Variants in RUNDC3B observed in about 807,000 individuals in gnomAD.
RUNDC3B encodes RUN domain-containing protein 3B.
In RUNDC3B, 33 loss-of-function variants were observed where a neutral mutation model predicts 58.4. The observed-to-expected ratio is 0.56, with a 90% CI of 0.43 to 0.75. The LOEUF is 0.75. RUNDC3B is among the 30% of genes least tolerant of loss of function. The probability of loss-of-function intolerance (pLI) is 0.00; values close to 1 mark genes in which losing one functional copy is unlikely to be tolerated. For synonymous variants in RUNDC3B, 193 were observed against 195.2 expected (o/e 0.99, Z 0.10); for missense variants, 501 against 535.7 (o/e 0.94, Z 0.64).
At chr7:87,645,819 A>T (rs566224463) in intron 1 of RUNDC3B, among the ~76,000 whole-genome samples, 1 of 152,260 alleles carries the variant, frequency 6.6e-6, no homozygotes, top group East Asian at 1.9e-4. Flanking sequence ...GTGAGTATTG[A>T]GTGGGAAGAA....
chr7:87,633,359 A>C (rs925085713), intron 1 of RUNDC3B, among the ~76,000 whole-genome samples: 1 of 152,228 alleles, frequency 6.6e-6, no homozygotes. Flanking sequence ...AAGACTATAC[A>C]TAGAATAATG....
At chr7:87,726,225 G>C (rs555705634) in intron 4 of RUNDC3B, among the ~76,000 whole-genome samples, 16 of 152,272 alleles carry the variant, frequency 1.1e-4, no homozygotes, top group Admixed American at 3.3e-4. Context: ...GTGGTTTTAG[G>C]TCTAACATTT....
chr7:87,802,700 C>A (rs1165712794), intron 8 of RUNDC3B, among the ~76,000 whole-genome samples: 1 of 152,066 alleles, frequency 6.6e-6, no homozygotes, highest in Non-Finnish European at 1.5e-5. Flanking sequence ...TATGTACCCA[C>A]AAAAATTAAA....
chr7:87,773,738 C>A (rs1158660590), intron 7 of RUNDC3B, among the ~76,000 whole-genome samples: 1 of 151,734 alleles, frequency 6.6e-6, no homozygotes, highest in Non-Finnish European at 1.5e-5. Flanking sequence ...AGTGCAGTGG[C>A]GCGATCTTGG....
chr7:87,686,951 G>GAA (rs1202632144), intron 2 of RUNDC3B, among the ~76,000 whole-genome samples: 3 of 69,232 alleles, frequency 4.3e-5, no homozygotes, highest in African/African-American at 1.0e-4. Context: ...ATCTCCAAAA[G>GAA]AAAAAAAAAA....
rs541892728 is a variant in RUNDC3B at position 87,658,567 on chromosome 7, A to G, written c.238+7630A>G. On this transcript the variant is annotated intron_variant, in intron 2 of 10. Coordinates refer to ENST00000394654, the MANE Select transcript of RUNDC3B (RefSeq NM_001134405.2). Reference sequence around the variant, plus strand: ...AACCACAAATAGGAAAAATTCAAATAAATTCATGCCAAAGGCACGATAATT... The same window carrying G: ...AACCACAAATAGGAAAAATTCAAATGAATTCATGCCAAAGGCACGATAATT... 1.1e-4 allele frequency among the ~76,000 whole-genome samples: 16 copies of G among 152,338 alleles called. 1 individual carries two copies. In the South Asian group the frequency reaches 3.3e-3, roughly 32 times the overall value.
At chr7:87,641,280 G>A (rs974245143) in intron 1 of RUNDC3B, among the ~76,000 whole-genome samples, 4 of 152,112 alleles carry the variant, frequency 2.6e-5, no homozygotes, top group Admixed American at 6.6e-5. Flanking sequence ...GAAAGATATC[G>A]CCAACAGTTT....
chr7:87,645,742 G>A (rs1200211740), intron 1 of RUNDC3B, among the ~76,000 whole-genome samples: 2 of 152,124 alleles, frequency 1.3e-5, no homozygotes, highest in East Asian at 3.8e-4. Flanking sequence ...CTTAGTTACT[G>A]TGTTATGAAG....
intron 8 of RUNDC3B, 79 bp from the exon 9 acceptor site, chr7:87,807,294 G>T: frequency 1.1e-5 from 15 of 1,362,308 alleles, no homozygotes; most frequent in Non-Finnish European, 1.5e-5. Flanking sequence ...AATTTTGGGG[G>T]CCTAAATTGA....
At chr7:87,741,278 T>C (rs2130812506) in intron 5 of RUNDC3B, among the ~76,000 whole-genome samples, 1 of 151,832 alleles carries the variant, frequency 6.6e-6, no homozygotes, top group African/African-American at 2.4e-5. Flanking sequence ...ATGTAACCCA[T>C]TGATAGTGTA....
chr7:87,827,822 C>T (rs1273297228), intron 10 of RUNDC3B, among the ~76,000 whole-genome samples: 2 of 152,054 alleles, frequency 1.3e-5, no homozygotes, highest in South Asian at 2.1e-4. Context: ...ATAACTTCTT[C>T]TTAAGTACAG....
intron 2 of RUNDC3B, among the ~76,000 whole-genome samples, chr7:87,660,800 G>A (rs1824625759): frequency 6.6e-6 from 1 of 151,652 alleles, no homozygotes; most frequent in African/African-American, 2.4e-5. Context: ...ATTTCTACTT[G>A]TTCTGATCAT....
At chr7:87,763,127 G>A (rs1469585975) in intron 6 of RUNDC3B, among the ~76,000 whole-genome samples, 1 of 151,364 alleles carries the variant, frequency 6.6e-6, no homozygotes, top group Non-Finnish European at 1.5e-5. Context: ...ATTTTAATAT[G>A]CAGATTTAAA....
chr7:87,799,487 T>C (rs987025712), intron 8 of RUNDC3B, among the ~76,000 whole-genome samples: 1 of 152,150 alleles, frequency 6.6e-6, no homozygotes, highest in Non-Finnish European at 1.5e-5. Context: ...TATATTACTA[T>C]AGTTATTTTC....
At chr7:87,688,582 T>C (rs1357267536) in intron 2 of RUNDC3B, among the ~76,000 whole-genome samples, 1 of 152,006 alleles carries the variant, frequency 6.6e-6, no homozygotes, top group Non-Finnish European at 1.5e-5. Context: ...TGATCAGTAG[T>C]GACCTTTTTT....
chr7:87,668,922 C>T (rs932331026), intron 2 of RUNDC3B, among the ~76,000 whole-genome samples: 1 of 151,918 alleles, frequency 6.6e-6, no homozygotes, highest in Non-Finnish European at 1.5e-5. Context: ...GAGTATGTGC[C>T]ATGTGGTGAG....
intron 4 of RUNDC3B, among the ~76,000 whole-genome samples, chr7:87,711,711 T>C (rs1830103226): frequency 6.6e-6 from 1 of 152,222 alleles, no homozygotes; most frequent in African/African-American, 2.4e-5. Flanking sequence ...AAATTTAGTT[T>C]CTCAAGTGCT....
chr7:87,637,362 T>A (rs1354171890), intron 1 of RUNDC3B, among the ~76,000 whole-genome samples: 4 of 152,056 alleles, frequency 2.6e-5, no homozygotes, highest in Non-Finnish European at 4.4e-5. Context: ...TAATATAAGT[T>A]ATCTAGCTTT....
chr7:87,686,192 C>T (rs1212510937), intron 2 of RUNDC3B, among the ~76,000 whole-genome samples: 1 of 152,158 alleles, frequency 6.6e-6, no homozygotes, highest in Non-Finnish European at 1.5e-5. Context: ...TTACCTCATT[C>T]ATTCTCTTAT....
Sources: allele counts gnomAD v4.1 joint callset (sites outside exome capture counted in the v4.1 genomes callset), GRCh38; gene constraint gnomAD v4.1.1; transcripts MANE v1.5; gene names NCBI Gene and HGNC (gene_info 2026-07-23, HGNC 2026-07-21).